GGCX: variants seen among roughly 807,000 people sequenced by gnomAD.
The protein encoded by GGCX is gamma-glutamyl carboxylase, also known as vitamin K-dependent gamma-carboxylase.
A neutral mutation model predicts 88.5 loss-of-function variants in GGCX; 63 were observed. The observed-to-expected ratio is 0.71, with a 90% CI of 0.58 to 0.88. The LOEUF (loss-of-function observed/expected upper bound fraction) is 0.88. GGCX is among the 40% of genes least tolerant of loss of function. GGCX has a pLI of 0.00. For missense variants in GGCX, 805 were observed against 932.9 expected, an observed-to-expected ratio of 0.86 and a Z score of 1.79; for synonymous variants, 368 against 365.8, an observed-to-expected ratio of 1.01 and a Z score of -0.07.
chr2:85,552,827 G>A, intron 9 of GGCX, 112 bp downstream of exon 9: 1 of 1,224,550 alleles, frequency 8.2e-7, no homozygotes, highest in Non-Finnish European at 1.2e-6. Flanking sequence ...CTTGAGAAAA[G>A]GCAAAGCAGA....
intron 12 of GGCX, 38 bp from the exon 13 acceptor site, chr2:85,551,110 T>C (rs1461665379): frequency 6.2e-7 from 1 of 1,600,126 alleles, no homozygotes; most frequent in East Asian, 2.2e-5. Context: ...TTCATCAGCT[T>C]TTCTCTAGCC....
intron 1 of GGCX, 128 bp from the exon 2 acceptor site, chr2:85,561,113 C>T: frequency 5.0e-6 from 4 of 804,344 alleles, no homozygotes; most frequent in South Asian, 4.1e-5. Flanking sequence ...CCTCAATGAT[C>T]TGACTATAGG....
In GGCX at chr2:85,553,334, T is replaced by C. The variant is rs1194381700; in HGVS notation, c.1053A>G (p.Lys351=). The part of the protein sequence containing the change: ...VSCVYKRSRG[K]SGQKPGLRHQ... ...GGCGCAGCCCTGGCTTCTGGCCACT[T>C]TTGCCCCGGCTCCTCTTATACACAC... is the stretch of plus-strand genomic sequence containing the variant. Residue 351 remains lysine, a synonymous_variant, in exon 8 of 15, where the codon AAA becomes AAG. Transcript: ENST00000233838. The C allele has an allele frequency of 5.0e-6, 8 of 1,614,092 alleles. No homozygotes were observed. The Admixed American group carries it at 5.0e-5, about 10-fold the overall frequency.
chr2:85,549,897 G>A lies in GGCX; in HGVS notation c.*37C>T. The stretch of plus-strand genomic sequence containing the variant: ...CATTGCATAGAATGGGTCTGTGACT[G>A]GCTGCTTCTACATCTGCACCCAACA... On this transcript the variant is annotated 3_prime_UTR_variant, in exon 15 of 15. Coordinates refer to ENST00000233838, the MANE Select transcript of GGCX (RefSeq NM_000821.7). 2 of 1,424,270 alleles carry A rather than the reference G, an allele frequency of 1.4e-6. No individual in the cohort carries two copies. Among genetic ancestry groups the A allele is most frequent in the Non-Finnish European group, 2.0e-6 (2 of 1,009,110 alleles). The allele number at this position is 1,424,270 out of a possible 1,614,324, so 88.2% of individuals were successfully genotyped here. A position where few individuals can be genotyped will look rare whatever the true frequency, so the allele number is the denominator to read the frequency against.
chr2:85,551,125 T>G (rs1332255123), intron 12 of GGCX, 53 bp from the exon 13 acceptor site: 18 of 1,526,000 alleles, frequency 1.2e-5, no homozygotes, highest in African/African-American at 2.7e-5. Context: ...CTAGCCAGCT[T>G]ATGGCCTCCC....
rs78676433 is a variant in GGCX at position 85,554,109 on chromosome 2, G to T, written c.889+34C>A. ...GGCTAGTCCCTTCCTGCAAAACTGT[G>T]GTTCCTGTTTCCTCCCAGGCTACAG... On this transcript the variant is annotated intron_variant, in intron 7 of 14. Coordinates refer to ENST00000233838, the MANE Select transcript of GGCX (RefSeq NM_000821.7). 7.5e-4 allele frequency: 1,166 copies of T among 1,560,654 alleles called. 11 individuals carry two copies. The African/African-American group carries it at 0.015, about 20-fold the overall frequency.
At chr2:85,557,006 C>G (rs1692228855) in intron 4 of GGCX, among the ~76,000 whole-genome samples, 1 of 152,078 alleles carries the variant, frequency 6.6e-6, no homozygotes, top group African/African-American at 2.4e-5. Context: ...TAGTTCATAC[C>G]TATAATACCA....
intron 2 of GGCX, among the ~76,000 whole-genome samples, chr2:85,559,399 C>T (rs1375728058): frequency 6.6e-6 from 1 of 152,122 alleles, no homozygotes; most frequent in Non-Finnish European, 1.5e-5. Context: ...TATAAAGATC[C>T]ATCCTATTGA....
chr2:85,550,960 A>G lies in GGCX; in HGVS notation c.1853T>C (p.Leu618Pro), dbSNP rs1475183385. Reference protein sequence around the residue: ...ELALEQDLAYLQELKEKVENG... With the variant: ...ELALEQDLAYPQELKEKVENG... ...CTCCACCTTTTCCTTTAATTCTTGC[A>G]GATATGCCAGGTCTTGCTCCAGTGC... Residue 618 changes from leucine (L) to proline (P), a missense_variant, in exon 13 of 15, where the codon CTG becomes CCG. Leu to Pro is a moderately conservative substitution (Grantham distance 98, BLOSUM62 -3). Around this residue, in one of 3 missense-constraint regions of GGCX, gnomAD observed 680 missense variants for 763.7 expected, o/e 0.89. Transcript: ENST00000233838. The G allele has an allele frequency of 1.2e-6, 2 of 1,614,130 alleles. No individual in the cohort carries two copies. Among genetic ancestry groups the G allele is most frequent in the Non-Finnish European group, 1.7e-6 (2 of 1,179,970 alleles).
rs752858118 is a variant in GGCX at position 85,550,588 on chromosome 2, A to T, written c.2051T>A (p.Phe684Tyr). 2 of 1,614,052 alleles carry T rather than the reference A, an allele frequency of 1.2e-6. No homozygotes were observed. Among genetic ancestry groups the T allele is most frequent in the South Asian group, 1.1e-5 (1 of 91,082 alleles). ...AAAGACATAGAGCTTTCGCAACAAGAAGCGGAAGAATCGCTCATGGAAAGG... is the reference window on the plus strand; with the variant it reads ...AAAGACATAGAGCTTTCGCAACAAGTAGCGGAAGAATCGCTCATGGAAAGG... ...NTPFHERFFR[F>Y]LLRKLYVFRR... Residue 684 changes from phenylalanine to tyrosine, a missense_variant, in exon 14 of 15, where the codon TTC becomes TAC. Around this residue, in one of 3 missense-constraint regions of GGCX, gnomAD observed 680 missense variants for 763.7 expected, o/e 0.89. Transcript: ENST00000233838.
intron 3 of GGCX, 109 bp from the exon 4 acceptor site, chr2:85,558,714 A>C: frequency 1.1e-6 from 1 of 946,718 alleles, no homozygotes; most frequent in Non-Finnish European, 1.7e-6. Flanking sequence ...GTATAATCAC[A>C]TAAAACTAAA....
At position 85,560,814 on chromosome 2, in the gene GGCX, C is replaced by T. The variant is rs767783934; in HGVS notation, c.214+1G>A. On this transcript the variant is annotated splice_donor_variant, in intron 2 of 14. Transcript: ENST00000233838. LOFTEE classifies it high-confidence loss of function. Reference sequence around the variant, plus strand: ...TGCTCCCACCCATAAACTGGACTCACCAAAAAGAAAACGAAAGACAGCTAA... The same window carrying T: ...TGCTCCCACCCATAAACTGGACTCATCAAAAAGAAAACGAAAGACAGCTAA... The T allele has an allele frequency of 1.2e-6, 2 of 1,613,512 alleles. No homozygotes were observed. Among genetic ancestry groups the T allele is most frequent in the South Asian group, 1.1e-5 (1 of 91,066 alleles).
In GGCX at chr2:85,552,031, A is replaced by G. The variant is rs1691981772; in HGVS notation, c.1440-50T>C. On this transcript the variant is annotated intron_variant, in intron 10 of 14. Coordinates refer to ENST00000233838, the MANE Select transcript of GGCX (RefSeq NM_000821.7). ...AGGACATCACAGCCACCCACCCACC[A>G]GAACTTCCAGTTCTCTCCCTTTCAT... 3.7e-6 allele frequency: 5 copies of G among 1,359,766 alleles called. No homozygotes were observed. In the East Asian group the frequency reaches 1.1e-4, roughly 31 times the overall value. 84.2% of individuals were successfully genotyped at this position (1,359,766 alleles called of 1,614,324 possible). A position where few individuals can be genotyped will look rare whatever the true frequency, so the allele number is the denominator to read the frequency against.
rs1260713803 is a variant in GGCX, at chr2:85,544,837, A to G, written c.*5097T>C. On this transcript the variant is annotated 3_prime_UTR_variant, in exon 15 of 15. Coordinates refer to ENST00000233838, the MANE Select transcript of GGCX (RefSeq NM_000821.7). Reference sequence around the variant, plus strand: ...CAGTGCTTTTGGCGGGGAGGAGGAAATCCCTTCATACTTGAACGTTTTCTA... The same window carrying G: ...CAGTGCTTTTGGCGGGGAGGAGGAAGTCCCTTCATACTTGAACGTTTTCTA... 6.6e-6 allele frequency: 1 copy of G among 152,628 alleles called. No homozygotes were observed. The highest frequency in any genetic ancestry group is 1.5e-5 in the Non-Finnish European group (1 of 68,038). 9.5% of individuals were successfully genotyped at this position (152,628 alleles called of 1,614,324 possible). A position where few individuals can be genotyped will look rare whatever the true frequency, so the allele number is the denominator to read the frequency against.
chr2:85,548,522 A>G lies in GGCX; in HGVS notation c.*1412T>C, dbSNP rs1691778808. On this transcript the variant is annotated 3_prime_UTR_variant, in exon 15 of 15. Transcript: ENST00000233838. ...AATCATCTGAAGTATGTATACTGAA[A>G]AAGCAGTTGCTTAGGAAAGAACCCC... 1 of 152,180 alleles carries G rather than the reference A, an allele frequency of 6.6e-6. No homozygotes were observed. Among genetic ancestry groups the G allele is most frequent in the Non-Finnish European group, 1.5e-5 (1 of 68,048 alleles). 9.4% of individuals were successfully genotyped at this position (152,180 alleles called of 1,614,324 possible). A position where few individuals can be genotyped will look rare whatever the true frequency, so the allele number is the denominator to read the frequency against.
In GGCX at chr2:85,550,575, C is replaced by A; in HGVS notation, c.2064G>T (p.Lys688Asn). The A allele has an allele frequency of 6.2e-7, 1 of 1,613,842 alleles. No individual in the cohort carries two copies. Among genetic ancestry groups the A allele is most frequent in the Non-Finnish European group, 8.5e-7 (1 of 1,179,730 alleles). The change falls in exon 14 of 15, where the codon AAG becomes AAT. Residue 688 changes from lysine (K) to asparagine (N), a missense_variant. Physicochemically the swap from Lys to Asn is moderately conservative, Grantham distance 94 (BLOSUM62 0). Transcript: ENST00000233838. ...HERFFRFLLR[K>N]LYVFRRSFLM... ...CTTACCTGCGGCGAAAGACATAGAG[C>A]TTTCGCAACAAGAAGCGGAAGAATC...
rs769896948 is a variant in GGCX, at chr2:85,553,507, C to G, written c.890-10G>C. ...ACGTAGGAGAACATACCTAGGAAAGCAGGGAGAAAATACATATTTCAGGAG... is the reference window on the plus strand; with the variant it reads ...ACGTAGGAGAACATACCTAGGAAAGGAGGGAGAAAATACATATTTCAGGAG... On this transcript the variant is annotated splice_polypyrimidine_tract_variant and intron_variant, in intron 7 of 14. Coordinates refer to ENST00000233838, the MANE Select transcript of GGCX (RefSeq NM_000821.7). 5 of 1,613,174 alleles carry G rather than the reference C, an allele frequency of 3.1e-6. No individual in the cohort carries two copies. The Admixed American group carries it at 6.7e-5, about 22-fold the overall frequency.
In GGCX at chr2:85,550,943, T is replaced by C; in HGVS notation, c.1870A>G (p.Lys624Glu). 1 of 1,614,184 alleles carries C rather than the reference T, an allele frequency of 6.2e-7. No individual in the cohort carries two copies. Among genetic ancestry groups the C allele is most frequent in the South Asian group, 1.1e-5 (1 of 91,092 alleles). The change falls in exon 13 of 15, where the codon AAG (lysine) becomes GAG (glutamate). Residue 624 changes from lysine (K) to glutamate (E), a missense_variant. Lys to Glu is a moderately conservative substitution (Grantham distance 56, BLOSUM62 1). Coordinates refer to ENST00000233838, the MANE Select transcript of GGCX (RefSeq NM_000821.7). ...CACTCACCACTTCCATTCTCCACCTTTTCCTTTAATTCTTGCAGATATGCC... is the reference window on the plus strand; with the variant it reads ...CACTCACCACTTCCATTCTCCACCTCTTCCTTTAATTCTTGCAGATATGCC... ...DLAYLQELKE[K>E]VENGSETGPL...
Position 85,560,831 on chromosome 2 carries a change from G to A in GGCX, c.198C>T (p.Val66=), listed in dbSNP as rs147427088. Residue 66 remains valine, a synonymous_variant, in exon 2 of 15, where the codon GTC becomes GTT. Coordinates refer to ENST00000233838, the MANE Select transcript of GGCX (RefSeq NM_000821.7). The part of the protein sequence containing the change: ...NRPTDPASLA[V]FRFLFGFLMV... Reference sequence around the variant, plus strand: ...TGGACTCACCAAAAAGAAAACGAAAGACAGCTAAGCTTGCAGGGTCCGTTG... The same window carrying A: ...TGGACTCACCAAAAAGAAAACGAAAAACAGCTAAGCTTGCAGGGTCCGTTG... 6.8e-6 allele frequency: 11 copies of A among 1,613,878 alleles called. No homozygotes were observed. Among genetic ancestry groups the A allele is most frequent in the Non-Finnish European group, 9.3e-6 (11 of 1,179,932 alleles).
Sources: gnomAD v4.1 joint callset for allele counts (sites outside exome capture counted in the v4.1 genomes callset) on GRCh38, gnomAD v4.1.1 for gene constraint, gnomAD v4.1.1 regional missense constraint, MANE v1.5 for transcripts, NCBI Gene and HGNC (gene_info 2026-07-23, HGNC 2026-07-21) for gene names.